CAMTA1: variants seen among roughly 807,000 people sequenced by gnomAD.
CAMTA1 encodes calmodulin-binding transcription activator 1.
In CAMTA1, 27 loss-of-function variants were observed where a neutral mutation model predicts 170.9. The ratio of observed to expected loss-of-function variants is 0.16; its 90% CI spans 0.12 to 0.22. CAMTA1 has a LOEUF of 0.22. Among genes scored for constraint, CAMTA1 ranks in the 10% least tolerant of loss-of-function variants. The probability of loss-of-function intolerance (pLI) is 1.00; values close to 1 mark genes in which losing one functional copy is unlikely to be tolerated. For missense variants in CAMTA1, 1,619 were observed against 2,217.2 expected (o/e 0.73, Z 5.42); for synonymous variants, 833 against 891.5 (o/e 0.93, Z 1.17).
chr1:6,951,835 G>A (rs968850673), intron 3 of CAMTA1, among the ~76,000 whole-genome samples: 5 of 152,182 alleles, frequency 3.3e-5, no homozygotes, highest in South Asian at 2.1e-4. Context: ...GTCATCCTGC[G>A]GGGTTCCAGG....
chr1:7,683,181 CAAA>C (rs34814185), intron 11 of CAMTA1, among the ~76,000 whole-genome samples: 10 of 89,484 alleles, frequency 1.1e-4, no homozygotes, highest in Admixed American at 1.2e-4. Flanking sequence ...GACTCTGTCT[CAAA>C]AAAAAAAAAA....
intron 11 of CAMTA1, among the ~76,000 whole-genome samples, chr1:7,704,967 C>CGGGGCG (rs1297439979): frequency 1.1e-3 from 8 of 7,152 alleles, no homozygotes; most frequent in Admixed American, 2.3e-3. Context: ...GGGGCGCGCG[C>CGGGGCG]GGGGCGGGGG....
Position 7,345,041 on chromosome 1 carries a change from G to A in CAMTA1, c.438+95415G>A, listed in dbSNP as rs559302462. Among the ~76,000 whole-genome samples, 89 of 152,020 alleles carry A rather than the reference G, an allele frequency of 5.9e-4. No homozygotes were observed. The South Asian group carries it at 0.014, about 24-fold the overall frequency. On this transcript the variant is annotated intron_variant, in intron 5 of 22. Coordinates refer to ENST00000303635, the MANE Select transcript of CAMTA1 (RefSeq NM_015215.4). ...GCTGGGATTACAGGTGTGAGCCACCGCGCCCAGCCTCCTGCTCAAGTCTTT... is the reference window on the plus strand; with the variant it reads ...GCTGGGATTACAGGTGTGAGCCACCACGCCCAGCCTCCTGCTCAAGTCTTT...
intron 3 of CAMTA1, among the ~76,000 whole-genome samples, chr1:6,952,064 C>T (rs1331936278): frequency 4.6e-5 from 7 of 152,200 alleles, no homozygotes; most frequent in Non-Finnish European, 7.3e-5. Flanking sequence ...TCCCACTGTG[C>T]CTTCTGTCAA....
chr1:7,044,617 C>T lies in CAMTA1; in HGVS notation c.235-46687C>T, dbSNP rs4074969. ...GTGGTGGCGCTGAAACAGGAGACGT[C>T]CTCTCCGACCTTGGAGACCTGGCAT... On this transcript the variant is annotated intron_variant, in intron 3 of 22. Coordinates refer to ENST00000303635, the MANE Select transcript of CAMTA1 (RefSeq NM_015215.4). The surrounding 1 kb of genome is among the most constrained non-coding windows in gnomAD (Gnocchi z 5.0). 0.018 allele frequency among the ~76,000 whole-genome samples: 2,674 copies of T among 152,284 alleles called. 108 individuals are homozygous for T. Among genetic ancestry groups the T allele is most frequent in the Admixed American group, 0.094 (1,438 of 15,300 alleles).
rs564274427 is a variant in CAMTA1, at chr1:7,680,195, T to C, written c.2914+2462T>C. The C allele has an allele frequency of 3.9e-5, 11 of 285,488 alleles. No individual in the cohort carries two copies. The highest frequency in any genetic ancestry group is 2.3e-4 in the African/African-American group (10 of 43,978). 17.7% of individuals were successfully genotyped at this position (285,488 alleles called of 1,614,324 possible). On this transcript the variant is annotated intron_variant, in intron 11 of 22. Transcript: ENST00000303635. This position sits in a 1 kb window ranked among gnomAD's most constrained non-coding sequence, Gnocchi z 4.4. ...GCCATGAACTTTGCGTCCGGGCCAA[T>C]GCTGCAGTGGCCGGGCGGTGGTGAG...
chr1:7,197,611 C>T (rs1655758510), intron 4 of CAMTA1, among the ~76,000 whole-genome samples: 1 of 147,138 alleles, frequency 6.8e-6, no homozygotes, highest in South Asian at 2.2e-4. Context: ...AAAGGACACT[C>T]AAATTATTGT....
chr1:7,414,958 G>A (rs1394142608), intron 5 of CAMTA1, among the ~76,000 whole-genome samples: 1 of 151,114 alleles, frequency 6.6e-6, no homozygotes, highest in Non-Finnish European at 1.5e-5. Context: ...GGTATGTTGT[G>A]TCTTTGTTCT....
At chr1:7,645,999 G>A (rs1449392483) in intron 7 of CAMTA1, among the ~76,000 whole-genome samples, 1 of 152,242 alleles carries the variant, frequency 6.6e-6, no homozygotes, top group Non-Finnish European at 1.5e-5. Context: ...GGAGGTGGAG[G>A]CCATCCTGAA....
At chr1:7,662,488 G>A (rs1010586092) in intron 8 of CAMTA1, among the ~76,000 whole-genome samples, 3 of 152,156 alleles carry the variant, frequency 2.0e-5, no homozygotes, top group South Asian at 4.1e-4. Context: ...GCCATAACAG[G>A]ATCAGGGAGA....
chr1:7,690,961 G>T (rs547900211), intron 11 of CAMTA1, among the ~76,000 whole-genome samples: 1 of 152,228 alleles, frequency 6.6e-6, no homozygotes, highest in Non-Finnish European at 1.5e-5. Flanking sequence ...TGGAGTACCC[G>T]TTAGGTGCCA....
At chr1:6,905,286 C>T (rs550613318) in intron 3 of CAMTA1, among the ~76,000 whole-genome samples, 107 of 151,370 alleles carry the variant, frequency 7.1e-4, no homozygotes, top group Non-Finnish European at 1.2e-3. Flanking sequence ...CTCCACCTCC[C>T]GGGTTCGAGC....
chr1:7,040,873 G>A (rs1435669673), intron 3 of CAMTA1, among the ~76,000 whole-genome samples: 1 of 152,050 alleles, frequency 6.6e-6, no homozygotes, highest in Non-Finnish European at 1.5e-5. Context: ...CCACAGATGT[G>A]CACCACCATA....
intron 1 of CAMTA1, among the ~76,000 whole-genome samples, chr1:6,792,868 T>C (rs1641509670): frequency 6.6e-6 from 1 of 152,192 alleles, no homozygotes; most frequent in Non-Finnish European, 1.5e-5. Context: ...ATCACTCTGC[T>C]CTCTACGGTT....
rs570268253 is a variant in CAMTA1 at position 7,171,765 on chromosome 1, C to A, written c.303-77726C>A. On this transcript the variant is annotated intron_variant, in intron 4 of 22. Transcript: ENST00000303635. The stretch of plus-strand genomic sequence containing the variant: ...TGTACCCACGGCTCAGGCAGTCCCT[C>A]CCTGGTCCCCCTCCTACAGCTCCTG... 5.3e-5 allele frequency among the ~76,000 whole-genome samples: 8 copies of A among 152,308 alleles called. No individual in the cohort carries two copies. The South Asian group carries it at 1.7e-3, about 32-fold the overall frequency.
chr1:6,917,864 C>T (rs2149306640), intron 3 of CAMTA1, among the ~76,000 whole-genome samples: 1 of 150,190 alleles, frequency 6.7e-6, no homozygotes, highest in South Asian at 2.1e-4. Flanking sequence ...GGGGGGACAT[C>T]TACATGCCAT....
chr1:6,989,009 AG>A (rs1190947001), intron 3 of CAMTA1, among the ~76,000 whole-genome samples: 1 of 152,174 alleles, frequency 6.6e-6, no homozygotes, highest in Non-Finnish European at 1.5e-5. Context: ...CCTTCAGAAG[AG>A]TTCCACTAGG....
chr1:7,231,348 T>TGAGAGA (rs148940451), intron 4 of CAMTA1, among the ~76,000 whole-genome samples: 41 of 141,396 alleles, frequency 2.9e-4, no homozygotes, highest in Admixed American at 4.9e-4. Context: ...TGTGTGTGTG[T>TGAGAGA]GTGAGAGAGA....
At chr1:6,974,376 A>G (rs74476329) in intron 3 of CAMTA1, among the ~76,000 whole-genome samples, 1,723 of 152,336 alleles carry the variant, frequency 0.011, 16 homozygotes, top group South Asian at 0.035. Context: ...ATGCAGACCA[A>G]CTGGAGGGTC....
Sources: gnomAD v4.1 joint callset for allele counts (sites outside exome capture counted in the v4.1 genomes callset) on GRCh38, gnomAD v4.1.1 for gene constraint, Gnocchi (gnomAD v3.1) non-coding constraint, MANE v1.5 for transcripts, NCBI Gene and HGNC (gene_info 2026-07-23, HGNC 2026-07-21) for gene names.